Variants in MBP observed in about 807,000 individuals in gnomAD.
MBP encodes the protein Golli-MBP.
In MBP, 16 loss-of-function variants were observed where a neutral mutation model predicts 35.8. The observed-to-expected ratio is 0.45, with a 90% CI of 0.30 to 0.68. MBP has a LOEUF of 0.68. MBP is among the 30% of genes least tolerant of loss of function. The pLI, the probability that MBP is intolerant of heterozygous loss-of-function variation, is 0.08. For missense variants in MBP, 380 were observed against 404.7 expected, an observed-to-expected ratio of 0.94 and a Z score of 0.52; for synonymous variants, 143 against 159.6, an observed-to-expected ratio of 0.90 and a Z score of 0.78.
intron 3 of MBP, among the ~76,000 whole-genome samples, chr18:77,055,769 G>T (rs1033173661): frequency 7.2e-5 from 11 of 152,132 alleles, no homozygotes; most frequent in Admixed American, 1.3e-4. Context: ...CAGACAGTGA[G>T]GTCATGACAA....
rs575060101 is a variant in MBP at position 76,994,298 on chromosome 18, T to A, written c.577-4238A>T. Among the ~76,000 whole-genome samples, 39 of 152,236 alleles carry A rather than the reference T, an allele frequency of 2.6e-4. 1 individual carries two copies. The highest frequency in any genetic ancestry group is 5.1e-4 in the Non-Finnish European group (35 of 68,040). ...GATAGCATTTCTCCATTTCTCTACA[T>A]GCTGAACTTTGGTTTTTGAGTCACA... On this transcript the variant is annotated intron_variant, in intron 4 of 8. Transcript: ENST00000355994.
chr18:77,007,951 C>T (rs73968253), intron 4 of MBP, among the ~76,000 whole-genome samples: 2,983 of 152,254 alleles, frequency 0.02, 99 homozygotes, highest in African/African-American at 0.069. Flanking sequence ...AGGAATGAAG[C>T]ATTCTGTTGA....
intron 4 of MBP, 140 bp from the exon 5 acceptor site, chr18:76,990,200 A>G: frequency 1.7e-6 from 1 of 594,954 alleles, no homozygotes. Context: ...ATTAAGGACT[A>G]TTGTGATAGA....
chr18:76,986,451 G>C lies in MBP; in HGVS notation c.751-1557C>G, dbSNP rs59310836. 2.2e-5 allele frequency: 22 copies of C among 985,528 alleles called. 1 individual carries two copies. In the East Asian group the frequency reaches 1.9e-3, roughly 86 times the overall value. The allele number at this position is 985,528 out of a possible 1,614,324, so 61.0% of individuals were successfully genotyped here. A position where few individuals can be genotyped will look rare whatever the true frequency, so the allele number is the denominator to read the frequency against. ...GCACCTGGCTGCACCCTCAGCCTCT[G>C]CTGGGGGCTTCCCACCATACAAGCT... On this transcript the variant is annotated intron_variant, in intron 7 of 8. Coordinates refer to ENST00000355994, the MANE Select transcript of MBP (RefSeq NM_001025101.2).
chr18:77,081,427 C>G (rs1974895589), intron 2 of MBP, among the ~76,000 whole-genome samples: 1 of 152,088 alleles, frequency 6.6e-6, no homozygotes, highest in African/African-American at 2.4e-5. Flanking sequence ...AAAAGATACA[C>G]AAATGACCAG....
At position 76,986,349 on chromosome 18, in the gene MBP, G is replaced by C. The variant is rs1969557440; in HGVS notation, c.751-1455C>G. 3 of 985,390 alleles carry C rather than the reference G, an allele frequency of 3.0e-6. No homozygotes were observed. In the Admixed American group the frequency reaches 1.8e-4, roughly 61 times the overall value. The allele number at this position is 985,390 out of a possible 1,614,324, so 61.0% of individuals were successfully genotyped here. On this transcript the variant is annotated intron_variant, in intron 7 of 8. Transcript: ENST00000355994. The stretch of plus-strand genomic sequence containing the variant: ...ATTTCATTAAAGTGTTTTAGGACAG[G>C]GAGGACCTTGACCAACCTAGCCCAT...
At chr18:77,012,842 T>A (rs1332652910) in intron 4 of MBP, 2 of 985,242 alleles carry the variant, frequency 2.0e-6, no homozygotes, top group Non-Finnish European at 2.4e-6. Context: ...GAAAAATATA[T>A]AAAGCCAAAA....
rs58567064 is a variant in MBP, at chr18:77,018,612, T to TCATCCATCCATCCATC, written c.140-1360_140-1345dup. 8.2e-3 allele frequency among the ~76,000 whole-genome samples: 911 copies of TCATCCATCCATCCATC among 111,080 alleles called. 29 individuals are homozygous for TCATCCATCCATCCATC. The highest frequency in any genetic ancestry group is 0.029 in the African/African-American group (813 of 27,624). 72.9% of individuals were successfully genotyped at this position (111,080 alleles called of 152,430 possible). A position where few individuals can be genotyped will look rare whatever the true frequency, so the allele number is the denominator to read the frequency against. ...TCCACCCACCCCTCCATCTATCCACTCATCCATCCATCCATCCATCCATCC... is the reference window on the plus strand; with the variant it reads ...TCCACCCACCCCTCCATCTATCCACTCATCCATCCATCCATCCATCCATCCATCCATCCATCCATCC... On this transcript the variant is annotated intron_variant, in intron 3 of 8. Transcript: ENST00000355994.
At chr18:77,120,878 A>C (rs1010861056) in intron 1 of MBP, among the ~76,000 whole-genome samples, 6 of 152,222 alleles carry the variant, frequency 3.9e-5, no homozygotes, top group African/African-American at 1.4e-4. Flanking sequence ...AATCTACAAG[A>C]TTTAGGACCC....
chr18:77,005,588 GC>G (rs1248683539), intron 4 of MBP: 1 of 152,282 alleles, frequency 6.6e-6, no homozygotes, highest in Non-Finnish European at 1.5e-5. Context: ...CAACCATGGG[GC>G]TTTTGAGGCT....
intron 8 of MBP, chr18:76,984,394 A>C (rs1599459780): frequency 8.5e-6 from 2 of 234,296 alleles, no homozygotes; most frequent in South Asian, 1.2e-4. Context: ...CCGTGGCTCC[A>C]GGGATCTCCC....
intron 3 of MBP, among the ~76,000 whole-genome samples, chr18:77,062,068 G>A (rs973870458): frequency 7.9e-5 from 12 of 152,172 alleles, no homozygotes; most frequent in Non-Finnish European, 1.5e-4. Context: ...CACATGACAC[G>A]GAGTCCACAT....
At chr18:77,089,791 G>A (rs1001571353) in intron 2 of MBP, among the ~76,000 whole-genome samples, 1 of 152,210 alleles carries the variant, frequency 6.6e-6, no homozygotes, top group Non-Finnish European at 1.5e-5. Context: ...TCTGGCTGGT[G>A]CATCTGCCTG....
chr18:77,012,807 T>C (rs1275116907), intron 4 of MBP: 1 of 985,310 alleles, frequency 1.0e-6, no homozygotes, highest in Non-Finnish European at 1.2e-6. Context: ...TCTGTTAAAC[T>C]GTTTAATGAA....
chr18:77,130,075 G>A (rs1001770404), intron 1 of MBP, among the ~76,000 whole-genome samples: 5 of 150,976 alleles, frequency 3.3e-5, no homozygotes, highest in Non-Finnish European at 7.4e-5. Context: ...AAGAAAAGGA[G>A]TAATTAGAAT....
At chr18:77,034,819 G>A (rs1972688338) in intron 3 of MBP, among the ~76,000 whole-genome samples, 1 of 152,174 alleles carries the variant, frequency 6.6e-6, no homozygotes, top group Admixed American at 6.5e-5. Context: ...CAGCTTCGGT[G>A]GGCGACGTCC....
intron 3 of MBP, among the ~76,000 whole-genome samples, chr18:77,043,554 C>A (rs188860043): frequency 6.6e-6 from 1 of 150,592 alleles, no homozygotes; most frequent in South Asian, 2.1e-4. Context: ...GGTGACCCTG[C>A]CCTTCTCCTG....
rs117279557 is a variant in MBP, at chr18:77,089,777, G to T, written c.51+15434C>A. On this transcript the variant is annotated intron_variant, in intron 2 of 8. Coordinates refer to ENST00000355994, the MANE Select transcript of MBP (RefSeq NM_001025101.2). ...GTCTGACAGCAAAAATACAGCATAG[G>T]GAGTCTGGCTGGTGCATCTGCCTGA... Among the ~76,000 whole-genome samples, 6 of 152,320 alleles carry T rather than the reference G, an allele frequency of 3.9e-5. No homozygotes were observed. In the South Asian group the frequency reaches 1.2e-3, roughly 32 times the overall value.
At chr18:77,091,028 G>A (rs1168926437) in intron 2 of MBP, among the ~76,000 whole-genome samples, 1 of 152,208 alleles carries the variant, frequency 6.6e-6, no homozygotes, top group East Asian at 1.9e-4. Flanking sequence ...GTGCTCACAG[G>A]ACATTCCTCA....
Sources: allele counts gnomAD v4.1 joint callset (sites outside exome capture counted in the v4.1 genomes callset), GRCh38; gene constraint gnomAD v4.1.1; transcripts MANE v1.5; gene names NCBI Gene and HGNC (gene_info 2026-07-23, HGNC 2026-07-21).